Variants in SREK1IP1 observed in about 807,000 individuals in gnomAD.
SREK1IP1 encodes the protein protein SREK1IP1.
In SREK1IP1, 12 loss-of-function variants were observed where a neutral mutation model predicts 22.8. The ratio of observed to expected loss-of-function variants is 0.53; its 90% CI spans 0.34 to 0.85. SREK1IP1 has a LOEUF of 0.85. Among genes scored for constraint, SREK1IP1 ranks in the 40% least tolerant of loss-of-function variants. The pLI, the probability that SREK1IP1 is intolerant of heterozygous loss-of-function variation, is 0.02. For synonymous variants in SREK1IP1, 53 were observed against 52.7 expected (o/e 1.01, Z -0.02); for missense variants, 147 against 171.8 (o/e 0.86, Z 0.81).
At chr5:64,747,581 C>G (rs1742661641) in intron 2 of SREK1IP1, among the ~76,000 whole-genome samples, 1 of 152,106 alleles carries the variant, frequency 6.6e-6, no homozygotes, top group Admixed American at 6.5e-5. Context: ...AATTAGAGCC[C>G]TTGTATATTT....
chr5:64,740,277 A>G (rs777812796), intron 3 of SREK1IP1, among the ~76,000 whole-genome samples: 6 of 152,040 alleles, frequency 3.9e-5, no homozygotes, highest in South Asian at 2.1e-4. Flanking sequence ...AAAATAAATG[A>G]TATCTGTTAG....
intron 1 of SREK1IP1, among the ~76,000 whole-genome samples, chr5:64,760,470 T>C (rs907921125): frequency 4.6e-5 from 7 of 152,124 alleles, no homozygotes; most frequent in Non-Finnish European, 8.8e-5. Flanking sequence ...CCCAGTAAAA[T>C]AGTGGGCCTT....
intron 4 of SREK1IP1, among the ~76,000 whole-genome samples, chr5:64,726,090 C>G (rs1383496765): frequency 3.3e-5 from 5 of 151,506 alleles, no homozygotes; most frequent in African/African-American, 1.2e-4. Flanking sequence ...AGGCTGGTCT[C>G]AAACTCCAGA....
intron 3 of SREK1IP1, among the ~76,000 whole-genome samples, chr5:64,736,738 T>G (rs996861413): frequency 1.3e-5 from 2 of 152,048 alleles, no homozygotes; most frequent in African/African-American, 4.8e-5. Context: ...GCTGGGATTA[T>G]AGGTGTGAGC....
rs559020124 is a variant in SREK1IP1, at chr5:64,718,302, CA to C, written c.*6081del. On this transcript the variant is annotated 3_prime_UTR_variant, in exon 5 of 5. Coordinates refer to ENST00000513458, the MANE Select transcript of SREK1IP1 (RefSeq NM_173829.4). Reference sequence around the variant, plus strand: ...AATAATTTATCAATAACAAGATAAGCAGTCCTATCTCAGTGAAGAACAGTGA... The same window carrying C: ...AATAATTTATCAATAACAAGATAAGCGTCCTATCTCAGTGAAGAACAGTGA... 4.1e-5 allele frequency: 11 copies of C among 269,120 alleles called. No individual in the cohort carries two copies. Among genetic ancestry groups the C allele is most frequent in the Non-Finnish European group, 6.9e-5 (10 of 145,410 alleles). 16.7% of individuals were successfully genotyped at this position (269,120 alleles called of 1,614,324 possible). A position where few individuals can be genotyped will look rare whatever the true frequency, so the allele number is the denominator to read the frequency against.
rs891513834 is a variant in SREK1IP1 at position 64,721,201 on chromosome 5, G to C, written c.*3183C>G. The C allele has an allele frequency of 3.3e-5, 5 of 152,144 alleles. No homozygotes were observed. Among genetic ancestry groups the C allele is most frequent in the African/African-American group, 1.2e-4 (5 of 41,434 alleles). 9.4% of individuals were successfully genotyped at this position (152,144 alleles called of 1,614,324 possible). A position where few individuals can be genotyped will look rare whatever the true frequency, so the allele number is the denominator to read the frequency against. ...CAATTACTGCACTAATTATATAACG[G>C]TGTATGCTCTGGTGTTTCTCCTACC... On this transcript the variant is annotated 3_prime_UTR_variant, in exon 5 of 5. Transcript: ENST00000513458.
At chr5:64,749,202 G>A (rs1742700586) in intron 2 of SREK1IP1, among the ~76,000 whole-genome samples, 1 of 151,414 alleles carries the variant, frequency 6.6e-6, no homozygotes, top group South Asian at 2.1e-4. Context: ...TATAAATAGG[G>A]TACCCAAATG....
rs1040051649 is a variant in SREK1IP1, at chr5:64,722,637, A to G, written c.*1747T>C. 12 of 152,238 alleles carry G rather than the reference A, an allele frequency of 7.9e-5. No individual in the cohort carries two copies. The highest frequency in any genetic ancestry group is 2.7e-4 in the African/African-American group (11 of 41,472). 9.4% of individuals were successfully genotyped at this position (152,238 alleles called of 1,614,324 possible). A position where few individuals can be genotyped will look rare whatever the true frequency, so the allele number is the denominator to read the frequency against. ...AAAAACTAGCAGCAAAGGCAAAACA[A>G]ATCCCTAAAAACCTACTGGCTCTGT... On this transcript the variant is annotated 3_prime_UTR_variant, in exon 5 of 5. Coordinates refer to ENST00000513458, the MANE Select transcript of SREK1IP1 (RefSeq NM_173829.4).
chr5:64,756,237 T>C (rs1243777084), intron 1 of SREK1IP1, among the ~76,000 whole-genome samples: 2 of 152,190 alleles, frequency 1.3e-5, no homozygotes, highest in Admixed American at 1.3e-4. Flanking sequence ...ATTCACAATA[T>C]TGTACAACCA....
Position 64,718,193 on chromosome 5 carries a change from T to C in SREK1IP1, c.*6191A>G, listed in dbSNP as rs1742088848. The C allele has an allele frequency of 1.0e-5, 5 of 501,880 alleles. No individual in the cohort carries two copies. In the South Asian group the frequency reaches 1.3e-4, roughly 13 times the overall value. The allele number at this position is 501,880 out of a possible 1,614,324, so 31.1% of individuals were successfully genotyped here. On this transcript the variant is annotated 3_prime_UTR_variant, in exon 5 of 5. Transcript: ENST00000513458. ...TTATTAAACGCACATTAAGGTTTTA[T>C]TGGTTTTCCTTTGTATAAATTTATT...
At chr5:64,732,650 C>G (rs754958958) in intron 3 of SREK1IP1, among the ~76,000 whole-genome samples, 27 of 152,110 alleles carry the variant, frequency 1.8e-4, no homozygotes, top group Non-Finnish European at 3.2e-4. Context: ...ACATTTAATG[C>G]AATTCCTATT....
intron 1 of SREK1IP1, among the ~76,000 whole-genome samples, chr5:64,756,930 G>A (rs1742851996): frequency 6.6e-6 from 1 of 152,004 alleles, no homozygotes. Context: ...CTGGTAAAGG[G>A]CATATAATTC....
At chr5:64,754,570 C>T (rs1275708981) in intron 1 of SREK1IP1, 1 of 483,198 alleles carries the variant, frequency 2.1e-6, no homozygotes, top group Admixed American at 3.2e-5. Context: ...CTCAGGCGAT[C>T]CTCCTACCTT....
In SREK1IP1 at chr5:64,718,414, T is replaced by A. The variant is rs1742092608; in HGVS notation, c.*5970A>T. Reference sequence around the variant, plus strand: ...TATGAGATGGTACTGGATAGGTAAATATCAAGGGAACTGTCTTAAAAACTA... The same window carrying A: ...TATGAGATGGTACTGGATAGGTAAAAATCAAGGGAACTGTCTTAAAAACTA... On this transcript the variant is annotated 3_prime_UTR_variant, in exon 5 of 5. Transcript: ENST00000513458. The A allele has an allele frequency of 6.5e-6, 1 of 153,674 alleles. No homozygotes were observed. The highest frequency in any genetic ancestry group is 1.4e-5 in the Non-Finnish European group (1 of 69,652). 9.5% of individuals were successfully genotyped at this position (153,674 alleles called of 1,614,324 possible).
chr5:64,724,163 C>A lies in SREK1IP1; in HGVS notation c.*221G>T. ...TGTTTAGTATACACAAATAGCTATA[C>A]TTGGGGCATGGCTATCAAGTAACAA... On this transcript the variant is annotated 3_prime_UTR_variant, in exon 5 of 5. Transcript: ENST00000513458. 1 of 398,544 alleles carries A rather than the reference C, an allele frequency of 2.5e-6. No homozygotes were observed. Among genetic ancestry groups the A allele is most frequent in the South Asian group, 6.3e-5 (1 of 15,874 alleles). 24.7% of individuals were successfully genotyped at this position (398,544 alleles called of 1,614,324 possible).
At chr5:64,727,554 T>TATATATATATATATATATATATATA (rs1491553760) in intron 4 of SREK1IP1, 1 of 94,228 alleles carries the variant, frequency 1.1e-5, no homozygotes, top group African/African-American at 7.2e-5. Context: ...TATATATATA[T>TATATATATATATATATATATATATA]TTTTTTTTTT....
chr5:64,741,001 T>C lies in SREK1IP1; in HGVS notation c.205+56A>G, dbSNP rs1055648012. The C allele has an allele frequency of 4.7e-6, 7 of 1,483,492 alleles. No individual in the cohort carries two copies. The African/African-American group carries it at 9.7e-5, about 21-fold the overall frequency. The allele number at this position is 1,483,492 out of a possible 1,614,324, so 91.9% of individuals were successfully genotyped here. On this transcript the variant is annotated intron_variant, in intron 3 of 4. Transcript: ENST00000513458. ...AGTAAGTATAATGGAAAGCATGATA[T>C]AATATGACAGAACATTTACAAACAT...
In SREK1IP1 at chr5:64,730,592, G is replaced by C. The variant is rs1308008688; in HGVS notation, c.206-2413C>G. ...AACTGAAGGAAAGAAAAGAAAGATGGATATATATATATGCAAATTTGTGGA... is the reference window on the plus strand; with the variant it reads ...AACTGAAGGAAAGAAAAGAAAGATGCATATATATATATGCAAATTTGTGGA... On this transcript the variant is annotated intron_variant, in intron 3 of 4. Coordinates refer to ENST00000513458, the MANE Select transcript of SREK1IP1 (RefSeq NM_173829.4). Among the ~76,000 whole-genome samples the C allele has an allele frequency of 1.3e-5, 2 of 151,706 alleles. 1 individual carries two copies. The highest frequency in any genetic ancestry group is 4.2e-4 in the South Asian group (2 of 4,808).
At chr5:64,731,571 T>C (rs1742381740) in intron 3 of SREK1IP1, among the ~76,000 whole-genome samples, 1 of 146,084 alleles carries the variant, frequency 6.8e-6, no homozygotes, top group Non-Finnish European at 1.5e-5. Context: ...TTGTGAGGAA[T>C]GGCCTGAACT....
Sources: gnomAD v4.1 joint callset for allele counts (sites outside exome capture counted in the v4.1 genomes callset) on GRCh38, gnomAD v4.1.1 for gene constraint, MANE v1.5 for transcripts, NCBI Gene and HGNC (gene_info 2026-07-23, HGNC 2026-07-21) for gene names.